The following TOX2 variants were observed in gnomAD, a reference collection of about 807,000 sequenced individuals.
TOX2 encodes the protein TOX high mobility group box family member 2.
A neutral mutation model predicts 47.4 loss-of-function variants in TOX2; 15 were observed. That is an observed-to-expected ratio of 0.32 (90% CI 0.21 to 0.49). The LOEUF is 0.49. Ranked by LOEUF, TOX2 falls within the 20% of genes least tolerant of loss-of-function variation. The pLI is 0.99. For missense variants in TOX2, 622 were observed against 673.1 expected (o/e 0.92, Z 0.84); for synonymous variants, 290 against 296.6 (o/e 0.98, Z 0.23).
At chr20:44,023,401 G>GTC (rs944061174) in intron 3 of TOX2, among the ~76,000 whole-genome samples, 1 of 147,576 alleles carries the variant, frequency 6.8e-6, no homozygotes, top group Non-Finnish European at 1.5e-5. Flanking sequence ...CTGCATTCCA[G>GTC]TCTGGGTGAC....
At chr20:44,006,023 G>A (rs2070673701) in intron 2 of TOX2, among the ~76,000 whole-genome samples, 1 of 152,172 alleles carries the variant, frequency 6.6e-6, no homozygotes, top group Non-Finnish European at 1.5e-5. Context: ...AAGGATGTTT[G>A]TGCCATTTAC....
intron 3 of TOX2, among the ~76,000 whole-genome samples, chr20:44,030,078 CT>C (rs777351535): frequency 3.3e-5 from 5 of 152,156 alleles, no homozygotes; most frequent in Non-Finnish European, 5.9e-5. Flanking sequence ...GCTCTATCCC[CT>C]CTCCTAAGCA....
In TOX2 at chr20:44,066,016, G is replaced by T. The variant is rs1466308079; in HGVS notation, c.1265G>T (p.Ser422Ile). The change falls in exon 7 of 9, where the codon AGC (serine) becomes ATC (isoleucine). Residue 422 changes from serine (S) to isoleucine (I), a missense_variant. By Grantham distance (142) the Ser-to-Ile change is moderately radical (BLOSUM62 -2). This residue lies in a region of TOX2 where 294 missense variants were observed against 300.0 expected (regional missense o/e 0.98). Transcript: ENST00000341197. ...GGCGCCCTCCTCAGTCCACCTGTTA[G>T]CATGTCCCCAGCCCCCCAGCCCCCT... ...AQGALLSPPV[S>I]MSPAPQPPVL... 1.2e-6 allele frequency: 2 copies of T among 1,611,102 alleles called. No individual in the cohort carries two copies. The highest frequency in any genetic ancestry group is 1.7e-6 in the Non-Finnish European group (2 of 1,179,266).
In TOX2 at chr20:43,930,063, C is replaced by T. The variant is rs2069233539; in HGVS notation, c.99+15073C>T. Among the ~76,000 whole-genome samples, 8 of 152,180 alleles carry T rather than the reference C, an allele frequency of 5.3e-5. No individual in the cohort carries two copies. In the South Asian group the frequency reaches 1.7e-3, roughly 31 times the overall value. ...ATATCTGTGAAATTACTTGGTTGCTCCCCCTTCAGGATAATAAACTTTAAG... is the reference window on the plus strand; with the variant it reads ...ATATCTGTGAAATTACTTGGTTGCTTCCCCTTCAGGATAATAAACTTTAAG... On this transcript the variant is annotated intron_variant, in intron 1 of 8. Coordinates refer to ENST00000341197, the MANE Select transcript of TOX2 (RefSeq NM_001098797.2).
In TOX2 at chr20:43,973,369, T is replaced by A. The variant is rs1017594175; in HGVS notation, c.102T>A (p.Phe34Leu). The A allele has an allele frequency of 2.5e-5, 40 of 1,614,010 alleles. No individual in the cohort carries two copies. Among genetic ancestry groups the A allele is most frequent in the Non-Finnish European group, 3.1e-5 (37 of 1,179,996 alleles). ...TTCTCCCTCTCTCTCTATTCTAGTT[T>A]GATGGTGACAGTGCCTACGTGGGGA... ...AHLDYYHGGK[F>L]DGDSAYVGMS... The change falls in exon 2 of 9, where the codon TTT becomes TTA. Residue 34 changes from phenylalanine (F) to leucine (L), a missense_variant and splice_region_variant. Physicochemically the swap from Phe to Leu is conservative, Grantham distance 22. This residue lies in a region of TOX2 where 307 missense variants were observed against 327.3 expected (regional missense o/e 0.94). Transcript: ENST00000341197.
At chr20:43,979,589 G>A (rs575997947) in intron 2 of TOX2, among the ~76,000 whole-genome samples, 4 of 152,294 alleles carry the variant, frequency 2.6e-5, no homozygotes, top group Non-Finnish European at 4.4e-5. Flanking sequence ...ACAAAGTGAA[G>A]AGACAGCCCA....
chr20:44,004,736 A>T (rs749939655), intron 2 of TOX2, among the ~76,000 whole-genome samples: 5 of 152,224 alleles, frequency 3.3e-5, no homozygotes, highest in Admixed American at 6.5e-5. Context: ...GGAATTGGCC[A>T]CCACCAACCA....
chr20:44,060,282 A>C (rs1223164327), intron 5 of TOX2, among the ~76,000 whole-genome samples: 1 of 152,198 alleles, frequency 6.6e-6, no homozygotes, highest in Non-Finnish European at 1.5e-5. Context: ...GAAATGAGAA[A>C]GATAGACAGT....
chr20:43,979,847 A>C (rs1181305740), intron 2 of TOX2, among the ~76,000 whole-genome samples: 1 of 152,218 alleles, frequency 6.6e-6, no homozygotes, highest in African/African-American at 2.4e-5. Context: ...ACCCAGTTAA[A>C]ATGGCTTATA....
intron 3 of TOX2, among the ~76,000 whole-genome samples, chr20:44,017,449 C>T (rs377497961): frequency 1.4e-4 from 22 of 152,256 alleles, no homozygotes; most frequent in Admixed American, 7.8e-4. Flanking sequence ...CTGTGCCAGG[C>T]GAGAGCTGAC....
chr20:44,003,389 A>G (rs1402390634), intron 2 of TOX2, among the ~76,000 whole-genome samples: 1 of 151,762 alleles, frequency 6.6e-6, no homozygotes, highest in African/African-American at 2.4e-5. Flanking sequence ...GGGTTTCACC[A>G]TGTTGCCCAG....
At chr20:43,993,989 C>CA (rs954671490) in intron 2 of TOX2, among the ~76,000 whole-genome samples, 2 of 151,314 alleles carry the variant, frequency 1.3e-5, no homozygotes, top group African/African-American at 4.9e-5. Context: ...CCGGTCTCTA[C>CA]AAAAAAATAA....
intron 1 of TOX2, among the ~76,000 whole-genome samples, chr20:43,942,361 C>T (rs1252873414): frequency 6.6e-6 from 1 of 152,218 alleles, no homozygotes; most frequent in African/African-American, 2.4e-5. Context: ...ATTGTCCCTG[C>T]CCCTCACCCT....
chr20:43,978,630 C>T (rs2070120064), intron 2 of TOX2, among the ~76,000 whole-genome samples: 1 of 152,136 alleles, frequency 6.6e-6, no homozygotes, highest in African/African-American at 2.4e-5. Flanking sequence ...CCTATTTGTT[C>T]CTTCAGGGGC....
chr20:43,969,593 A>C (rs1241784131), intron 1 of TOX2, among the ~76,000 whole-genome samples: 1 of 152,208 alleles, frequency 6.6e-6, no homozygotes, highest in Non-Finnish European at 1.5e-5. Flanking sequence ...CTATTCCTTC[A>C]TGCCCTCCAA....
intron 3 of TOX2, among the ~76,000 whole-genome samples, chr20:44,009,195 G>A (rs374725004): frequency 6.6e-5 from 10 of 152,252 alleles, no homozygotes; most frequent in African/African-American, 2.2e-4. Flanking sequence ...ATAGTCAAAC[G>A]ATCTCAACTG....
intron 1 of TOX2, 84 bp from the exon 2 acceptor site, chr20:43,973,283 C>T: frequency 2.2e-6 from 3 of 1,377,784 alleles, no homozygotes; most frequent in Non-Finnish European, 3.1e-6. Context: ...GCAGTCAGTC[C>T]CCTGCCCTCC....
intron 2 of TOX2, among the ~76,000 whole-genome samples, chr20:43,988,154 G>A (rs138945833): frequency 1.8e-3 from 269 of 152,114 alleles, no homozygotes; most frequent in African/African-American, 6.1e-3. Context: ...TCTTGACCTC[G>A]TGATCTGCCC....
intron 3 of TOX2, among the ~76,000 whole-genome samples, chr20:44,013,056 T>C (rs2070806489): frequency 6.6e-6 from 1 of 152,176 alleles, no homozygotes; most frequent in South Asian, 2.1e-4. Flanking sequence ...GCTTTAGAGA[T>C]GGTTCCTGTG....
Sources: allele counts gnomAD v4.1 joint callset (sites outside exome capture counted in the v4.1 genomes callset), GRCh38; gene constraint gnomAD v4.1.1; regional missense constraint gnomAD v4.1.1; transcripts MANE v1.5; gene names NCBI Gene and HGNC (gene_info 2026-07-23, HGNC 2026-07-21).